The following PRKG1 variants were observed in gnomAD, a reference collection of about 807,000 sequenced individuals.
The protein encoded by PRKG1 is cGMP-dependent protein kinase 1.
In PRKG1, 35 loss-of-function variants were observed where a neutral mutation model predicts 88.1. That is an observed-to-expected ratio of 0.40 (90% CI 0.30 to 0.53). The LOEUF (loss-of-function observed/expected upper bound fraction) is 0.53, where lower values mean the gene tolerates loss of function less well. Among genes scored for constraint, PRKG1 ranks in the 20% least tolerant of loss-of-function variants. The probability of loss-of-function intolerance (pLI) is 0.59; values close to 1 mark genes in which losing one functional copy is unlikely to be tolerated. For synonymous variants in PRKG1, 303 were observed against 292.5 expected, an observed-to-expected ratio of 1.04 and a Z score of -0.37; for missense variants, 540 against 839.8, an observed-to-expected ratio of 0.64 and a Z score of 4.41.
chr10:51,039,203 G>C (rs1487827427), intron 1 of PRKG1, among the ~76,000 whole-genome samples: 1 of 152,144 alleles, frequency 6.6e-6, no homozygotes, highest in Non-Finnish European at 1.5e-5. Context: ...CCCACCAACA[G>C]TGTATGATGG....
chr10:51,619,642 C>T (rs1839155947), intron 3 of PRKG1, among the ~76,000 whole-genome samples: 2 of 152,158 alleles, frequency 1.3e-5, no homozygotes, highest in South Asian at 4.1e-4. Flanking sequence ...CAGATGATTG[C>T]ATTATCATCC....
chr10:51,298,709 A>T (rs772149221), intron 2 of PRKG1, among the ~76,000 whole-genome samples: 6 of 152,232 alleles, frequency 3.9e-5, no homozygotes, highest in Non-Finnish European at 8.8e-5. Flanking sequence ...AAAGAATATC[A>T]TGCCGATAGA....
rs1284272167 is a variant in PRKG1, at chr10:51,848,802, G to A, written c.698+44112G>A. On this transcript the variant is annotated intron_variant, in intron 4 of 17. Coordinates refer to ENST00000373980, the MANE Select transcript of PRKG1 (RefSeq NM_006258.4). The stretch of plus-strand genomic sequence containing the variant: ...GATTACAGGTACAAGCCACTTCTCA[G>A]CCTATGTGTGCATTTTCCTTAAGCA... Among the ~76,000 whole-genome samples, 4 of 151,550 alleles carry A rather than the reference G, an allele frequency of 2.6e-5. No individual in the cohort carries two copies. In the East Asian group the frequency reaches 7.8e-4, roughly 29 times the overall value.
intron 5 of PRKG1, among the ~76,000 whole-genome samples, chr10:51,980,073 A>T (rs1355482458): frequency 6.6e-6 from 1 of 151,664 alleles, no homozygotes; most frequent in African/African-American, 2.4e-5. Flanking sequence ...TGTGATGTTA[A>T]GTTGTTAATT....
intron 5 of PRKG1, among the ~76,000 whole-genome samples, chr10:52,021,182 C>A (rs1371627572): frequency 6.6e-6 from 1 of 152,152 alleles, no homozygotes; most frequent in Non-Finnish European, 1.5e-5. Flanking sequence ...CAGGGAGGAA[C>A]AAGTCATTCA....
chr10:51,368,989 T>C (rs2132603370), intron 2 of PRKG1, among the ~76,000 whole-genome samples: 1 of 152,228 alleles, frequency 6.6e-6, no homozygotes, highest in Non-Finnish European at 1.5e-5. Flanking sequence ...TTCCTTCATC[T>C]TCATAACACC....
chr10:51,469,148 A>AAG (rs998385039), intron 3 of PRKG1, among the ~76,000 whole-genome samples: 4 of 151,896 alleles, frequency 2.6e-5, no homozygotes, highest in African/African-American at 9.7e-5. Context: ...CTTACTTAAA[A>AAG]AGAACCTTAA....
At chr10:51,708,740 C>T (rs528066979) in intron 3 of PRKG1, among the ~76,000 whole-genome samples, 1 of 152,262 alleles carries the variant, frequency 6.6e-6, no homozygotes, top group South Asian at 2.1e-4. Flanking sequence ...AGACCATTTA[C>T]TAGTCTATGT....
chr10:51,116,767 C>G (rs1202012843), intron 1 of PRKG1, among the ~76,000 whole-genome samples: 5 of 152,014 alleles, frequency 3.3e-5, no homozygotes, highest in Admixed American at 1.3e-4. Context: ...GGGTGGAAGG[C>G]TGGATCAAGA....
intron 5 of PRKG1, among the ~76,000 whole-genome samples, chr10:52,052,758 AT>A (rs1259750804): frequency 2.6e-5 from 4 of 152,200 alleles, no homozygotes; most frequent in South Asian, 2.1e-4. Context: ...GGCTCTCATG[AT>A]TCAATTATCT....
At chr10:51,576,067 G>A (rs1375729196) in intron 3 of PRKG1, among the ~76,000 whole-genome samples, 1 of 151,844 alleles carries the variant, frequency 6.6e-6, no homozygotes, top group Non-Finnish European at 1.5e-5. Flanking sequence ...TACATCATGA[G>A]GTAGGCTTTG....
intron 1 of PRKG1, among the ~76,000 whole-genome samples, chr10:51,112,748 T>G (rs1388336094): frequency 6.6e-6 from 1 of 152,116 alleles, no homozygotes. Context: ...ATTTTAAATT[T>G]TCAGTCTTCT....
intron 3 of PRKG1, among the ~76,000 whole-genome samples, chr10:51,557,236 G>T (rs934231174): frequency 4.6e-5 from 7 of 151,958 alleles, no homozygotes; most frequent in Non-Finnish European, 1.5e-5. Context: ...AAATGCTGCT[G>T]GGTTAGATAA....
intron 3 of PRKG1, among the ~76,000 whole-genome samples, chr10:51,506,389 T>G (rs1841205357): frequency 6.6e-6 from 1 of 151,808 alleles, no homozygotes; most frequent in African/African-American, 2.4e-5. Flanking sequence ...TGGGAGAAAA[T>G]TTTTGCAATC....
chr10:51,505,431 T>C (rs1384467702), intron 3 of PRKG1, among the ~76,000 whole-genome samples: 1 of 152,174 alleles, frequency 6.6e-6, no homozygotes, highest in Non-Finnish European at 1.5e-5. Context: ...TCTAAAATTC[T>C]CTTTTTTTGT....
At chr10:52,079,359 C>T (rs983061923) in intron 7 of PRKG1, among the ~76,000 whole-genome samples, 15 of 152,076 alleles carry the variant, frequency 9.9e-5, no homozygotes, top group Admixed American at 5.2e-4. Context: ...GACCCCTGCC[C>T]GAAGCCTGAG....
intron 3 of PRKG1, among the ~76,000 whole-genome samples, chr10:51,523,057 G>A (rs1486471800): frequency 2.0e-5 from 3 of 152,156 alleles, no homozygotes; most frequent in African/African-American, 4.8e-5. Context: ...TGTCCACGGT[G>A]TTAGGATTTC....
intron 5 of PRKG1, among the ~76,000 whole-genome samples, chr10:52,049,394 G>T (rs571914326): frequency 6.6e-6 from 1 of 152,242 alleles, no homozygotes; most frequent in East Asian, 1.9e-4. Context: ...AATCACAAGA[G>T]TGATAATGGG....
chr10:51,077,770 G>T (rs751388211), intron 1 of PRKG1, among the ~76,000 whole-genome samples: 28 of 152,242 alleles, frequency 1.8e-4, no homozygotes, highest in Non-Finnish European at 1.5e-4. Flanking sequence ...CTTATGTGAA[G>T]GAAAGAACTG....
Sources: allele counts gnomAD v4.1 joint callset (sites outside exome capture counted in the v4.1 genomes callset), GRCh38; gene constraint gnomAD v4.1.1; transcripts MANE v1.5; gene names NCBI Gene and HGNC (gene_info 2026-07-23, HGNC 2026-07-21).